LONP2: variants seen among roughly 807,000 people sequenced by gnomAD.
LONP2 encodes lon peptidase 2, peroxisomal.
LONP2 carries 60 observed loss-of-function variants against 85.6 expected under a neutral mutation model. The observed-to-expected ratio is 0.70, with a 90% confidence interval of 0.57 to 0.87. The LOEUF (loss-of-function observed/expected upper bound fraction) is 0.87. Among genes scored for constraint, LONP2 ranks in the 40% least tolerant of loss-of-function variants. The pLI is 0.00. For synonymous variants in LONP2, 395 were observed against 389.7 expected, an observed-to-expected ratio of 1.01 and a Z score of -0.16; for missense variants, 860 against 1,063.5, an observed-to-expected ratio of 0.81 and a Z score of 2.66.
chr16:48,250,925 C>G (rs1433614457), intron 1 of LONP2, among the ~76,000 whole-genome samples: 1 of 152,060 alleles, frequency 6.6e-6, no homozygotes, highest in Non-Finnish European at 1.5e-5. Flanking sequence ...ATTTTTTTCC[C>G]TCACCAATTT....
chr16:48,265,173 TC>T (rs971157402), intron 6 of LONP2, among the ~76,000 whole-genome samples: 5 of 152,232 alleles, frequency 3.3e-5, no homozygotes, highest in African/African-American at 1.2e-4. Flanking sequence ...GGTTGCCTTC[TC>T]ATTTTGCTGA....
rs1475578065 is a variant in LONP2 at position 48,355,992 on chromosome 16, A to G, written c.*4190A>G. 6.6e-6 allele frequency: 1 copy of G among 152,236 alleles called. No individual in the cohort carries two copies. Among genetic ancestry groups the G allele is most frequent in the Non-Finnish European group, 1.5e-5 (1 of 68,044 alleles). 9.4% of individuals were successfully genotyped at this position (152,236 alleles called of 1,614,324 possible). On this transcript the variant is annotated 3_prime_UTR_variant, in exon 15 of 15. Coordinates refer to ENST00000285737, the MANE Select transcript of LONP2 (RefSeq NM_031490.5). ...AAATCCTACACTGTCCACTGGAGAC[A>G]TCCATGTTTTTACTTGGCTCTGCCC...
At chr16:48,346,919 G>A (rs1404768309) in intron 12 of LONP2, among the ~76,000 whole-genome samples, 2 of 152,140 alleles carry the variant, frequency 1.3e-5, no homozygotes, top group East Asian at 3.9e-4. Context: ...GGGAGGCTGA[G>A]GCAGGCAGAT....
chr16:48,357,743 T>A (rs966254627), downstream of LONP2, among the ~76,000 whole-genome samples: 1 of 152,148 alleles, frequency 6.6e-6, no homozygotes, highest in African/African-American at 2.4e-5. Context: ...CTTTTGGGGG[T>A]TGGAGGCAGC....
rs945151890 is a variant in LONP2, at chr16:48,356,146, G to A, written c.*4344G>A. On this transcript the variant is annotated 3_prime_UTR_variant, in exon 15 of 15. Transcript: ENST00000285737. ...TGTGATTGTTCCTGAAATAGTTCAC[G>A]AGAAATCCATGACCGTAAAGTACTG... The A allele has an allele frequency of 6.6e-5, 10 of 152,262 alleles. 1 individual carries two copies. Among genetic ancestry groups the A allele is most frequent in the Admixed American group, 3.3e-4 (5 of 15,264 alleles). The allele number at this position is 152,262 out of a possible 1,614,324, so 9.4% of individuals were successfully genotyped here.
intron 8 of LONP2, among the ~76,000 whole-genome samples, chr16:48,282,410 C>T (rs1253035612): frequency 1.2e-5 from 1 of 83,832 alleles, no homozygotes; most frequent in Non-Finnish European, 2.6e-5. Context: ...GACTCTGTCT[C>T]AAAAAAAAAA....
intron 11 of LONP2, among the ~76,000 whole-genome samples, chr16:48,314,164 TC>T (rs1973093692): frequency 6.6e-6 from 1 of 151,930 alleles, no homozygotes. Context: ...TTTTTTTTTT[TC>T]CTTGTAAATT....
chr16:48,281,106 A>G (rs540864917), intron 8 of LONP2, among the ~76,000 whole-genome samples: 1 of 152,278 alleles, frequency 6.6e-6, no homozygotes, highest in Admixed American at 6.5e-5. Flanking sequence ...AAAATGTATA[A>G]GATTATTTTA....
At chr16:48,343,363 A>T (rs988997414) in intron 12 of LONP2, among the ~76,000 whole-genome samples, 3 of 152,164 alleles carry the variant, frequency 2.0e-5, no homozygotes, top group African/African-American at 7.2e-5. Flanking sequence ...CAATAATTAG[A>T]TACTCCAAAT....
intron 12 of LONP2, chr16:48,345,303 T>G (rs898924474): frequency 6.6e-5 from 10 of 152,240 alleles, no homozygotes; most frequent in African/African-American, 2.4e-4. Flanking sequence ...AAATGAATTG[T>G]GAGGATTCAA....
chr16:48,315,224 C>T (rs1973116624), intron 11 of LONP2, among the ~76,000 whole-genome samples: 1 of 152,210 alleles, frequency 6.6e-6, no homozygotes, highest in African/African-American at 2.4e-5. Context: ...CCAGTAAACA[C>T]TATGCCTTGC....
chr16:48,273,367 G>T (rs1972144561), intron 7 of LONP2, among the ~76,000 whole-genome samples: 1 of 152,196 alleles, frequency 6.6e-6, no homozygotes, highest in African/African-American at 2.4e-5. Flanking sequence ...TGATAATGAG[G>T]TGGGAGATGG....
At position 48,296,068 on chromosome 16, in the gene LONP2, C is replaced by T. The variant is rs966476925; in HGVS notation, c.1437C>T (p.Ala479=). The change falls in exon 9 of 15, where the codon GCC becomes GCT. Residue 479 remains alanine (A), a synonymous_variant. Transcript: ENST00000285737. ...TCACAGATCATTATCTAAATGTGGC[C>T]TTTGACCTTTCTCAAGTTCTTTTTA... ...HNFTDHYLNV[A]FDLSQVLFIA... 1.2e-6 allele frequency: 2 copies of T among 1,613,998 alleles called. No individual in the cohort carries two copies. Among genetic ancestry groups the T allele is most frequent in the African/African-American group, 2.7e-5 (2 of 74,918 alleles).
intron 11 of LONP2, among the ~76,000 whole-genome samples, chr16:48,333,500 C>T (rs965075274): frequency 2.0e-5 from 3 of 152,074 alleles, no homozygotes; most frequent in African/African-American, 7.2e-5. Flanking sequence ...TTACATTGCC[C>T]GTTAGAAAAC....
Position 48,355,792 on chromosome 16 carries a change from C to T in LONP2, c.*3990C>T, listed in dbSNP as rs890882930. The T allele has an allele frequency of 1.3e-5, 2 of 152,118 alleles. No individual in the cohort carries two copies. The highest frequency in any genetic ancestry group is 2.9e-5 in the Non-Finnish European group (2 of 68,022). 9.4% of individuals were successfully genotyped at this position (152,118 alleles called of 1,614,324 possible). A position where few individuals can be genotyped will look rare whatever the true frequency, so the allele number is the denominator to read the frequency against. ...TGATTTTTAAGATGTTACCCAAAGA[C>T]CCCTTGTATCAAAATAAGCTGGATT... On this transcript the variant is annotated 3_prime_UTR_variant, in exon 15 of 15. Coordinates refer to ENST00000285737, the MANE Select transcript of LONP2 (RefSeq NM_031490.5).
rs1960294202 is a variant in LONP2 at position 48,355,169 on chromosome 16, A to T, written c.*3367A>T. 6.6e-6 allele frequency: 1 copy of T among 152,152 alleles called. No individual in the cohort carries two copies. Among genetic ancestry groups the T allele is most frequent in the South Asian group, 2.1e-4 (1 of 4,828 alleles). The allele number at this position is 152,152 out of a possible 1,614,324, so 9.4% of individuals were successfully genotyped here. On this transcript the variant is annotated 3_prime_UTR_variant, in exon 15 of 15. Coordinates refer to ENST00000285737, the MANE Select transcript of LONP2 (RefSeq NM_031490.5). ...TTTAGGGATACATATCCAGGAGCAG[A>T]ACTACTAGATCACATATGCTAAGGT...
At position 48,352,327 on chromosome 16, in the gene LONP2, A is replaced by G. The variant is rs1195924072; in HGVS notation, c.*525A>G. 1 of 155,602 alleles carries G rather than the reference A, an allele frequency of 6.4e-6. No individual in the cohort carries two copies. The highest frequency in any genetic ancestry group is 1.9e-4 in the East Asian group (1 of 5,292). 9.6% of individuals were successfully genotyped at this position (155,602 alleles called of 1,614,324 possible). ...TAGAACTAGGCAAAGATGAAAGTAT[A>G]GCCAACTATTCTTGGCTATATATAT... On this transcript the variant is annotated 3_prime_UTR_variant, in exon 15 of 15. Transcript: ENST00000285737.
intron 6 of LONP2, 35 bp downstream of exon 6, chr16:48,262,907 A>AT: frequency 7.6e-7 from 1 of 1,312,580 alleles, no homozygotes; most frequent in Non-Finnish European, 1.1e-6. Flanking sequence ...TTGCAGTCTA[A>AT]TTGTCACTCA....
At chr16:48,275,714 A>G (rs1387632346) in intron 7 of LONP2, among the ~76,000 whole-genome samples, 3 of 152,164 alleles carry the variant, frequency 2.0e-5, no homozygotes, top group African/African-American at 7.2e-5. Flanking sequence ...CAAGAAAGTA[A>G]TGGCAGCAAG....
Sources: allele counts gnomAD v4.1 joint callset (sites outside exome capture counted in the v4.1 genomes callset), GRCh38; gene constraint gnomAD v4.1.1; transcripts MANE v1.5; gene names NCBI Gene and HGNC (gene_info 2026-07-23, HGNC 2026-07-21).